TRIQK: variants seen among roughly 807,000 people sequenced by gnomAD.
The protein encoded by TRIQK is triple QxxK/R motif-containing protein.
TRIQK carries 10 observed loss-of-function variants against 10.8 expected under a neutral mutation model. The ratio of observed to expected loss-of-function variants is 0.92; its 90% CI spans 0.57 to 1.57. The LOEUF (loss-of-function observed/expected upper bound fraction) is 1.57, where lower values mean the gene tolerates loss of function less well. Among genes scored for constraint, TRIQK ranks in the 40% most tolerant of loss-of-function variants. The pLI, the probability that TRIQK is intolerant of heterozygous loss-of-function variation, is 0.00. For missense variants in TRIQK, 107 were observed against 97.7 expected, an observed-to-expected ratio of 1.09 and a Z score of -0.40; for synonymous variants, 33 against 33.7, an observed-to-expected ratio of 0.98 and a Z score of 0.07.
chr8:92,889,162 T>A (rs1229180443), intron 4 of TRIQK, among the ~76,000 whole-genome samples: 1 of 151,646 alleles, frequency 6.6e-6, no homozygotes, highest in African/African-American at 2.4e-5. Flanking sequence ...AATTGCTAAC[T>A]GTTCCCTTAA....
chr8:92,991,740 T>G (rs1457671414), intron 1 of TRIQK, among the ~76,000 whole-genome samples: 1 of 152,186 alleles, frequency 6.6e-6, no homozygotes, highest in Non-Finnish European at 1.5e-5. Flanking sequence ...GACATGATTG[T>G]ATATTTAGAA....
chr8:92,903,613 A>T (rs190548254), intron 3 of TRIQK, among the ~76,000 whole-genome samples: 1 of 152,242 alleles, frequency 6.6e-6, no homozygotes, highest in African/African-American at 2.4e-5. Context: ...TGCAGAATAA[A>T]ATTTCCTATT....
intron 2 of TRIQK, among the ~76,000 whole-genome samples, chr8:92,938,657 T>A (rs1477052460): frequency 6.6e-6 from 1 of 152,172 alleles, no homozygotes; most frequent in African/African-American, 2.4e-5. Context: ...TATTGTCTCA[T>A]AACTAACCGA....
intron 1 of TRIQK, among the ~76,000 whole-genome samples, chr8:92,971,208 T>C (rs1812874262): frequency 1.3e-5 from 2 of 152,158 alleles, no homozygotes; most frequent in Admixed American, 6.5e-5. Context: ...CCTTGTAGTA[T>C]AGTTTAAAGT....
intron 2 of TRIQK, among the ~76,000 whole-genome samples, chr8:92,944,942 G>A (rs562713853): frequency 3.3e-5 from 5 of 152,118 alleles, no homozygotes; most frequent in African/African-American, 7.2e-5. Flanking sequence ...ATGTATATAC[G>A]TATTAAAACA....
chr8:92,962,084 C>A (rs752366918), intron 1 of TRIQK, among the ~76,000 whole-genome samples: 3 of 152,136 alleles, frequency 2.0e-5, no homozygotes, highest in Non-Finnish European at 2.9e-5. Flanking sequence ...AGATGCTGAA[C>A]ATTTCTACCA....
rs561171832 is a variant in TRIQK at position 92,908,039 on chromosome 8, G to A, written c.61+8890C>T. 3.3e-5 allele frequency among the ~76,000 whole-genome samples: 5 copies of A among 151,936 alleles called. No individual in the cohort carries two copies. The East Asian group carries it at 9.7e-4, about 29-fold the overall frequency. On this transcript the variant is annotated intron_variant, in intron 3 of 4. Coordinates refer to ENST00000521988, the MANE Select transcript of TRIQK (RefSeq NM_001171797.2). ...TATTTAAAGCAATCATTTTAACTGT[G>A]ACATGACTTTTTCATGGGAGCTTCC...
At chr8:92,947,587 GAAA>G (rs35808197) in intron 2 of TRIQK, among the ~76,000 whole-genome samples, 16 of 61,426 alleles carry the variant, frequency 2.6e-4, no homozygotes, top group African/African-American at 6.4e-4. Flanking sequence ...TCCGCCTCAG[GAAA>G]AAAAAAAAAA....
intron 2 of TRIQK, among the ~76,000 whole-genome samples, chr8:92,918,779 C>G (rs1012061291): frequency 2.0e-5 from 3 of 150,990 alleles, no homozygotes; most frequent in African/African-American, 2.4e-5. Context: ...GATCTTACCC[C>G]CCCCCACAAT....
At chr8:92,947,946 G>A (rs1307748581) in intron 2 of TRIQK, among the ~76,000 whole-genome samples, 1 of 152,072 alleles carries the variant, frequency 6.6e-6, no homozygotes, top group Non-Finnish European at 1.5e-5. Flanking sequence ...TCAATTCCTT[G>A]AATTACAATG....
chr8:93,016,123 G>A (rs1452368539), intron 1 of TRIQK, among the ~76,000 whole-genome samples: 1 of 152,094 alleles, frequency 6.6e-6, no homozygotes, highest in Admixed American at 6.5e-5. Context: ...TACTTGCAAA[G>A]AGCTTCAGTA....
chr8:92,902,472 A>G (rs879838775), intron 3 of TRIQK, among the ~76,000 whole-genome samples: 3 of 152,172 alleles, frequency 2.0e-5, no homozygotes, highest in Non-Finnish European at 2.9e-5. Flanking sequence ...AAGGGGTGGT[A>G]TAGGTGACTC....
intron 2 of TRIQK, chr8:92,922,284 C>G (rs940996648): frequency 3.6e-4 from 55 of 151,678 alleles, no homozygotes; most frequent in African/African-American, 1.3e-3. Context: ...ATCCTATTTG[C>G]ATAGTATTTT....
chr8:93,014,512 T>A (rs1019029436), intron 1 of TRIQK, among the ~76,000 whole-genome samples: 1 of 152,114 alleles, frequency 6.6e-6, no homozygotes, highest in Admixed American at 6.6e-5. Context: ...TGTTTTACAG[T>A]TTTGTGAGTC....
At chr8:92,949,567 A>T (rs914558237) in intron 2 of TRIQK, among the ~76,000 whole-genome samples, 1 of 150,560 alleles carries the variant, frequency 6.6e-6, no homozygotes. Flanking sequence ...AAGGAAAGGG[A>T]AGGAAAGAAA....
chr8:92,927,227 A>G (rs1307678464), intron 2 of TRIQK, among the ~76,000 whole-genome samples: 2 of 152,148 alleles, frequency 1.3e-5, no homozygotes, highest in Admixed American at 1.3e-4. Context: ...AGGGAAGGGT[A>G]GTCTACTAGA....
intron 3 of TRIQK, among the ~76,000 whole-genome samples, chr8:92,915,525 C>T (rs1809784534): frequency 6.6e-6 from 1 of 151,654 alleles, no homozygotes; most frequent in Admixed American, 6.6e-5. Flanking sequence ...ACTCTGTCAC[C>T]CAGGCTGTAG....
chr8:92,899,600 T>A (rs548477058), intron 3 of TRIQK, among the ~76,000 whole-genome samples: 142 of 152,314 alleles, frequency 9.3e-4, no homozygotes, highest in African/African-American at 3.1e-3. Context: ...TTTTCATGGA[T>A]GAACAGTACT....
chr8:92,977,217 G>A (rs1342095176), intron 1 of TRIQK, among the ~76,000 whole-genome samples: 1 of 151,880 alleles, frequency 6.6e-6, no homozygotes, highest in African/African-American at 2.4e-5. Context: ...AAGTCTTTAT[G>A]TTTCATTTAT....
Sources: allele counts gnomAD v4.1 joint callset (sites outside exome capture counted in the v4.1 genomes callset), GRCh38; gene constraint gnomAD v4.1.1; transcripts MANE v1.5; gene names NCBI Gene and HGNC (gene_info 2026-07-23, HGNC 2026-07-21).